ABCE1: variants seen among roughly 807,000 people sequenced by gnomAD.
ABCE1 encodes the protein ATP-binding cassette sub-family E member 1.
In ABCE1, 22 loss-of-function variants were observed where a neutral mutation model predicts 83.4. The ratio of observed to expected loss-of-function variants is 0.26; its 90% CI spans 0.19 to 0.38. ABCE1 has a LOEUF of 0.38. ABCE1 is among the 10% of genes least tolerant of loss of function. ABCE1 has a pLI of 1.00. For missense variants in ABCE1, 330 were observed against 721.9 expected (o/e 0.46, Z 6.22); for synonymous variants, 204 against 233.7 (o/e 0.87, Z 1.16).
At chr4:145,117,185 T>C (rs1402679600) in intron 9 of ABCE1, 108 bp from the exon 10 acceptor site, 1 of 920,170 alleles carries the variant, frequency 1.1e-6, no homozygotes, top group African/African-American at 1.7e-5. Context: ...CTTTTGCTTC[T>C]TATGTCTTTA....
chr4:145,103,410 G>A (rs113493687), intron 1 of ABCE1, among the ~76,000 whole-genome samples: 3 of 152,018 alleles, frequency 2.0e-5, no homozygotes, highest in Non-Finnish European at 4.4e-5. Flanking sequence ...ACCATTCTAA[G>A]GAAATTAATT....
At chr4:145,125,370 A>C (rs2126716125) in intron 17 of ABCE1, among the ~76,000 whole-genome samples, 1 of 152,298 alleles carries the variant, frequency 6.6e-6, no homozygotes, top group South Asian at 2.1e-4. Context: ...TAGGAGTCTG[A>C]GGCAGGAGAA....
intron 1 of ABCE1, among the ~76,000 whole-genome samples, chr4:145,098,779 C>G (rs570435348): frequency 6.6e-6 from 1 of 152,262 alleles, no homozygotes; most frequent in Non-Finnish European, 1.5e-5. Context: ...ACAGCACTCT[C>G]TAGTACCCCC....
intron 10 of ABCE1, among the ~76,000 whole-genome samples, chr4:145,119,220 T>C (rs1216059972): frequency 1.3e-5 from 2 of 151,946 alleles, no homozygotes; most frequent in African/African-American, 4.8e-5. Flanking sequence ...AAACTTCAGC[T>C]TTCTCTTCAC....
At chr4:145,121,596 G>T in intron 13 of ABCE1, 2 of 480,392 alleles carry the variant, frequency 4.2e-6, no homozygotes, top group East Asian at 3.8e-5. Flanking sequence ...ATCTTTGGCC[G>T]GGTGCAGTAG....
At chr4:145,126,859 G>T (rs1320553268) in intron 17 of ABCE1, among the ~76,000 whole-genome samples, 1 of 151,924 alleles carries the variant, frequency 6.6e-6, no homozygotes, top group Non-Finnish European at 1.5e-5. Context: ...TTACTTCTTG[G>T]CCAGGATAGA....
chr4:145,121,322 T>C lies in ABCE1; in HGVS notation c.1205-11T>C, dbSNP rs1041164656. 1 of 1,613,226 alleles carries C rather than the reference T, an allele frequency of 6.2e-7. No individual in the cohort carries two copies. Among genetic ancestry groups the C allele is most frequent in the Non-Finnish European group, 8.5e-7 (1 of 1,179,470 alleles). On this transcript the variant is annotated splice_polypyrimidine_tract_variant and intron_variant, in intron 12 of 17. Transcript: ENST00000296577. Reference sequence around the variant, plus strand: ...AGTTTTTAGTGTCTTATGTATTTCATTATTTTGCAGGAGAAGTACCAGTTC... The same window carrying C: ...AGTTTTTAGTGTCTTATGTATTTCACTATTTTGCAGGAGAAGTACCAGTTC...
intron 9 of ABCE1, among the ~76,000 whole-genome samples, chr4:145,113,199 A>C (rs1749527530): frequency 6.6e-6 from 1 of 152,200 alleles, no homozygotes. Flanking sequence ...ATTTTCACAC[A>C]TAAAGTGCCA....
intron 10 of ABCE1, among the ~76,000 whole-genome samples, chr4:145,117,990 G>A (rs770144218): frequency 1.3e-5 from 2 of 151,138 alleles, no homozygotes; most frequent in Admixed American, 6.6e-5. Context: ...AGAAACTAGC[G>A]TACCACTAAG....
intron 1 of ABCE1, among the ~76,000 whole-genome samples, chr4:145,102,895 A>C (rs1357330771): frequency 6.6e-6 from 1 of 152,192 alleles, no homozygotes; most frequent in Non-Finnish European, 1.5e-5. Context: ...AACCAGAAAA[A>C]ATGAATGGCT....
At position 145,101,664 on chromosome 4, in the gene ABCE1, T is replaced by C. The variant is rs34667182; in HGVS notation, c.-27-2722T>C. Among the ~76,000 whole-genome samples the C allele has an allele frequency of 1.5e-3, 231 of 152,266 alleles. 1 individual carries two copies. The Middle Eastern group carries it at 0.02, about 13-fold the overall frequency. ...CTTACACCAAACTCATGAGATCAGA[T>C]TCTGGATGTTTTATAGCTTCAGTGG... On this transcript the variant is annotated intron_variant, in intron 1 of 17. Coordinates refer to ENST00000296577, the MANE Select transcript of ABCE1 (RefSeq NM_002940.3).
intron 9 of ABCE1, among the ~76,000 whole-genome samples, chr4:145,113,766 C>A (rs890072422): frequency 2.0e-5 from 3 of 151,948 alleles, no homozygotes; most frequent in African/African-American, 7.2e-5. Flanking sequence ...GAAACCCAGA[C>A]AAATCTAGAA....
rs1002916147 is a variant in ABCE1 at position 145,128,078 on chromosome 4, T to C, written c.*505T>C. On this transcript the variant is annotated 3_prime_UTR_variant, in exon 18 of 18. Transcript: ENST00000296577. ...GTTTGTTTTCAGTCTTTGCACTATA[T>C]TACCAGTATATGGTTTCCGAGGAAG... The C allele has an allele frequency of 6.5e-6, 1 of 152,728 alleles. No individual in the cohort carries two copies. The highest frequency in any genetic ancestry group is 2.4e-5 in the African/African-American group (1 of 41,454). The allele number at this position is 152,728 out of a possible 1,614,324, so 9.5% of individuals were successfully genotyped here.
chr4:145,098,805 C>T (rs1471345450), intron 1 of ABCE1, among the ~76,000 whole-genome samples: 1 of 152,228 alleles, frequency 6.6e-6, no homozygotes, highest in Non-Finnish European at 1.5e-5. Context: ...CCTCCAGCAC[C>T]CAAAATGGAT....
chr4:145,109,031 G>T, intron 4 of ABCE1, 101 bp from the exon 5 acceptor site: 1 of 773,588 alleles, frequency 1.3e-6, no homozygotes, highest in East Asian at 2.7e-5. Context: ...ATTAATGGAT[G>T]GTTGTGAAGT....
chr4:145,104,578 A>T, intron 2 of ABCE1, 63 bp downstream of exon 2: 1 of 1,111,088 alleles, frequency 9.0e-7, no homozygotes, highest in Admixed American at 2.7e-5. Context: ...AACTGGTTTG[A>T]TAATTCTTTA....
chr4:145,111,471 C>T (rs563694225), intron 8 of ABCE1, among the ~76,000 whole-genome samples: 1 of 152,214 alleles, frequency 6.6e-6, no homozygotes, highest in East Asian at 1.9e-4. Context: ...CTACAGACGC[C>T]CGCCACCACA....
At chr4:145,120,212 T>A (rs975542338) in intron 11 of ABCE1, 59 bp downstream of exon 11, 13 of 1,459,986 alleles carry the variant, frequency 8.9e-6, no homozygotes, top group Non-Finnish European at 1.0e-5. Context: ...AAATTAGTTT[T>A]AACTGTTTTG....
At chr4:145,112,517 C>A (rs530989064) in intron 9 of ABCE1, among the ~76,000 whole-genome samples, 189 bp downstream of exon 9, 1 of 152,090 alleles carries the variant, frequency 6.6e-6, no homozygotes, top group Non-Finnish European at 1.5e-5. Flanking sequence ...TTATTAACAC[C>A]CCCGCTTCCA....
Sources: allele counts gnomAD v4.1 joint callset (sites outside exome capture counted in the v4.1 genomes callset), GRCh38; gene constraint gnomAD v4.1.1; transcripts MANE v1.5; gene names NCBI Gene and HGNC (gene_info 2026-07-23, HGNC 2026-07-21).